The following GRIA3 variants were observed in gnomAD, a reference collection of about 807,000 sequenced individuals.
GRIA3 encodes the protein glutamate receptor 3.
A neutral mutation model predicts 63.0 loss-of-function variants in GRIA3; 3 were observed. The ratio of observed to expected loss-of-function variants is 0.05; its 90% CI spans 0.02 to 0.12. The LOEUF (loss-of-function observed/expected upper bound fraction) is 0.12. Among genes scored for constraint, GRIA3 ranks in the 10% least tolerant of loss-of-function variants. GRIA3 has a pLI of 1.00. For missense variants in GRIA3, 347 were observed against 700.9 expected, an observed-to-expected ratio of 0.50 and a Z score of 5.70; for synonymous variants, 274 against 257.9, an observed-to-expected ratio of 1.06 and a Z score of -0.60.
intron 12 of GRIA3, among the ~76,000 whole-genome samples, chrX:123,453,236 T>C (rs901354436): frequency 1.8e-5 from 2 of 111,583 alleles, no homozygotes. Context: ...TTCATGTCCT[T>C]TGTAGGGACA....
intron 5 of GRIA3, among the ~76,000 whole-genome samples, chrX:123,383,513 A>T (rs979375703): frequency 2.3e-4 from 25 of 111,066 alleles, no homozygotes; most frequent in African/African-American, 8.2e-4. Context: ...TAGCTCCCAG[A>T]TATGAGTGAA....
At chrX:123,201,508 T>C (rs897000879) in intron 2 of GRIA3, among the ~76,000 whole-genome samples, 3 of 110,887 alleles carry the variant, frequency 2.7e-5, no homozygotes, top group Admixed American at 9.7e-5. Flanking sequence ...TAGACTGTTA[T>C]AGACAGAAGG....
At chrX:123,231,225 G>C (rs1181504827) in intron 2 of GRIA3, among the ~76,000 whole-genome samples, 1 of 111,748 alleles carries the variant, frequency 8.9e-6, no homozygotes, top group Non-Finnish European at 1.9e-5. Context: ...TCTCCCACTG[G>C]TGAGAACGAT....
intron 5 of GRIA3, chrX:123,358,536 C>T (rs1030091651): frequency 2.7e-5 from 3 of 111,877 alleles, no homozygotes; most frequent in Admixed American, 9.5e-5. Flanking sequence ...GTTGAAATCC[C>T]GGAAAGAAAC....
intron 3 of GRIA3, among the ~76,000 whole-genome samples, chrX:123,270,075 T>C (rs1603059492): frequency 8.9e-6 from 1 of 112,485 alleles, no homozygotes; most frequent in African/African-American, 3.2e-5. Context: ...CCTGGATTCA[T>C]AGTACATATT....
At chrX:123,189,295 T>A (rs1927361749) in intron 2 of GRIA3, among the ~76,000 whole-genome samples, 1 of 112,152 alleles carries the variant, frequency 8.9e-6, no homozygotes, top group Non-Finnish European at 1.9e-5. Context: ...TCAATATATA[T>A]GAAGAGAGAT....
chrX:123,470,643 G>C (rs1424049037), intron 13 of GRIA3, among the ~76,000 whole-genome samples: 1 of 111,880 alleles, frequency 8.9e-6, no homozygotes, highest in African/African-American at 3.2e-5. Flanking sequence ...GTGGCACATA[G>C]ATGAATGAGG....
chrX:123,253,517 T>G lies in GRIA3; in HGVS notation c.483T>G (p.Phe161Leu). ...TGGGTCATTACAAGTGGGAGAAGTT[T>G]GTGTACCTCTATGACACAGAACGAG... is the stretch of plus-strand genomic sequence containing the variant. ...SLLGHYKWEK[F>L]VYLYDTERGF... Residue 161 changes from phenylalanine to leucine, a missense_variant, in exon 3 of 16, where the codon TTT becomes TTG. By Grantham distance (22) the Phe-to-Leu change is conservative (BLOSUM62 0). Around this residue, in one of 8 missense-constraint regions of GRIA3, gnomAD observed 113 missense variants for 130.6 expected, o/e 0.87. Coordinates refer to ENST00000620443, the MANE Select transcript of GRIA3 (RefSeq NM_007325.5). The G allele has an allele frequency of 8.3e-7, 1 of 1,207,855 alleles. No homozygotes were observed. Among genetic ancestry groups the G allele is most frequent in the Admixed American group, 2.2e-5 (1 of 46,072 alleles).
At chrX:123,361,535 G>GA (rs2045174248) in intron 5 of GRIA3, among the ~76,000 whole-genome samples, 1 of 111,526 alleles carries the variant, frequency 9.0e-6, no homozygotes, top group Non-Finnish European at 1.9e-5. Context: ...ATGGTACATA[G>GA]AACACCAAGG....
At chrX:123,200,604 T>TACACAC (rs1227977653) in intron 2 of GRIA3, among the ~76,000 whole-genome samples, 1 of 68,356 alleles carries the variant, frequency 1.5e-5, no homozygotes, top group African/African-American at 5.6e-5. Flanking sequence ...CACACACACA[T>TACACAC]ACATACACAC....
chrX:123,197,945 G>T (rs961622949), intron 2 of GRIA3, among the ~76,000 whole-genome samples: 1 of 112,161 alleles, frequency 8.9e-6, no homozygotes, highest in African/African-American at 3.2e-5. Context: ...AGCAGTGCCA[G>T]GGCCATCAGT....
At position 123,398,811 on chromosome X, in the gene GRIA3, C is replaced by T; in HGVS notation, c.1080+8C>T. The T allele has an allele frequency of 8.4e-7, 1 of 1,190,015 alleles. No individual in the cohort carries two copies. On this transcript the variant is annotated splice_region_variant and intron_variant, in intron 7 of 15. Transcript: ENST00000620443. ...GAGAGAGCTCTGAAAATGGTAAAGA[C>T]CACAATGGGTTATTGGGGTGGAAGA...
intron 13 of GRIA3, among the ~76,000 whole-genome samples, chrX:123,472,409 C>T (rs1477769233): frequency 9.0e-6 from 1 of 110,972 alleles, no homozygotes; most frequent in African/African-American, 3.3e-5. Context: ...AGAAAACACA[C>T]TTATATATGA....
intron 3 of GRIA3, among the ~76,000 whole-genome samples, chrX:123,324,970 G>A (rs1006708989): frequency 2.7e-5 from 3 of 112,048 alleles, no homozygotes; most frequent in African/African-American, 9.7e-5. Flanking sequence ...AATTGCTATG[G>A]CATGGATCAT....
intron 15 of GRIA3, among the ~76,000 whole-genome samples, chrX:123,485,012 A>T (rs2045933850): frequency 8.9e-6 from 1 of 112,500 alleles, no homozygotes; most frequent in Non-Finnish European, 1.9e-5. Context: ...CAATACATGG[A>T]TTCATCTGTA....
At chrX:123,226,825 T>C (rs1204267275) in intron 2 of GRIA3, among the ~76,000 whole-genome samples, 1 of 111,931 alleles carries the variant, frequency 8.9e-6, no homozygotes, top group Non-Finnish European at 1.9e-5. Context: ...CAGTTCATCA[T>C]TGATTATCCA....
chrX:123,406,296 T>C (rs1444693980), intron 10 of GRIA3, among the ~76,000 whole-genome samples: 19 of 110,676 alleles, frequency 1.7e-4, no homozygotes, highest in Non-Finnish European at 1.9e-4. Flanking sequence ...GTCTAGACAA[T>C]ATCTACACTA....
intron 5 of GRIA3, among the ~76,000 whole-genome samples, chrX:123,376,981 C>A (rs1358554457): frequency 3.6e-4 from 34 of 94,651 alleles, no homozygotes; most frequent in Non-Finnish European, 6.3e-4. Flanking sequence ...GTCGCCCAGG[C>A]TGGAGTGCAA....
intron 3 of GRIA3, among the ~76,000 whole-genome samples, chrX:123,305,691 G>A (rs2044750704): frequency 8.9e-6 from 1 of 111,865 alleles, no homozygotes; most frequent in Non-Finnish European, 1.9e-5. Flanking sequence ...AGAAACTGAG[G>A]CAGATTCTCC....
Sources: allele counts gnomAD v4.1 joint callset (sites outside exome capture counted in the v4.1 genomes callset), GRCh38; gene constraint gnomAD v4.1.1; regional missense constraint gnomAD v4.1.1; transcripts MANE v1.5; gene names NCBI Gene and HGNC (gene_info 2026-07-23, HGNC 2026-07-21).